Variants in ZNF251 observed in about 807,000 individuals in gnomAD.
ZNF251 encodes zinc finger protein 251.
A neutral mutation model predicts 13.5 loss-of-function variants in ZNF251; 14 were observed. That is an observed-to-expected ratio of 1.04 (90% CI 0.69 to 1.63). The LOEUF (loss-of-function observed/expected upper bound fraction) is 1.63, where lower values mean the gene tolerates loss of function less well. ZNF251 is among the 40% of genes most tolerant of loss of function. The pLI, the probability that ZNF251 is intolerant of heterozygous loss-of-function variation, is 0.00. For missense variants in ZNF251, 764 were observed against 834.9 expected, an observed-to-expected ratio of 0.92 and a Z score of 1.05; for synonymous variants, 287 against 295.2, an observed-to-expected ratio of 0.97 and a Z score of 0.28.
At chr8:144,743,543 T>C (rs1226866432) in intron 4 of ZNF251, among the ~76,000 whole-genome samples, 1 of 152,258 alleles carries the variant, frequency 6.6e-6, no homozygotes, top group African/African-American at 2.4e-5. Flanking sequence ...CAGGATTTTG[T>C]GTGGACATAA....
chr8:144,739,851 C>T (rs532139031), intron 4 of ZNF251, among the ~76,000 whole-genome samples: 1 of 151,280 alleles, frequency 6.6e-6, no homozygotes, highest in Non-Finnish European at 1.5e-5. Context: ...GCCAAGATGG[C>T]ACCACTGCAC....
chr8:144,741,868 A>G (rs1824179627), intron 4 of ZNF251, among the ~76,000 whole-genome samples: 1 of 152,230 alleles, frequency 6.6e-6, no homozygotes, highest in Admixed American at 6.5e-5. Flanking sequence ...GATAATTCAA[A>G]TGGTCACTTA....
At chr8:144,742,470 AC>A (rs1295105573) in intron 4 of ZNF251, among the ~76,000 whole-genome samples, 3 of 148,156 alleles carry the variant, frequency 2.0e-5, no homozygotes, top group Non-Finnish European at 3.0e-5. Flanking sequence ...TGCATACCCC[AC>A]CCCCCACACA....
rs563074922 is a variant in ZNF251 at position 144,725,439 on chromosome 8, C to T, written c.278-2057G>A. 3.9e-5 allele frequency among the ~76,000 whole-genome samples: 6 copies of T among 152,196 alleles called. No homozygotes were observed. In the South Asian group the frequency reaches 1.2e-3, roughly 32 times the overall value. On this transcript the variant is annotated intron_variant, in intron 4 of 4. Transcript: ENST00000292562. ...CCGAGTAGCTGGGACTACAGGTGTG[C>T]ACCACCTGTAGTCTGGCTAATTCCT... is the stretch of plus-strand genomic sequence containing the variant.
chr8:144,746,228 G>A (rs964309400), intron 4 of ZNF251, among the ~76,000 whole-genome samples: 1 of 152,150 alleles, frequency 6.6e-6, no homozygotes, highest in Non-Finnish European at 1.5e-5. Flanking sequence ...TGCTTTCTCC[G>A]CATCTACTGA....
At chr8:144,753,877 G>A in intron 3 of ZNF251, 81 bp from the exon 4 acceptor site, 3 of 1,092,132 alleles carry the variant, frequency 2.7e-6, no homozygotes, top group Non-Finnish European at 4.0e-6. Context: ...GGCCCTGTGT[G>A]CACGTGTGTA....
chr8:144,737,659 C>T (rs539355576), intron 4 of ZNF251, among the ~76,000 whole-genome samples: 13 of 151,278 alleles, frequency 8.6e-5, no homozygotes, highest in South Asian at 2.1e-4. Context: ...GGTGAAACCC[C>T]GTCTCTACTA....
At chr8:144,724,466 G>A (rs1304102973) in intron 4 of ZNF251, among the ~76,000 whole-genome samples, 1 of 151,830 alleles carries the variant, frequency 6.6e-6, no homozygotes, top group East Asian at 2.0e-4. Flanking sequence ...AAGTAGCTGG[G>A]ACTACAGGTG....
intron 4 of ZNF251, among the ~76,000 whole-genome samples, chr8:144,752,479 T>G (rs552077838): frequency 5.8e-4 from 88 of 152,330 alleles, no homozygotes; most frequent in African/African-American, 2.0e-3. Flanking sequence ...CTAGATAACA[T>G]TTTGAACTAA....
chr8:144,738,546 G>C (rs139934426), intron 4 of ZNF251: 12,011 of 984,842 alleles, frequency 0.012, 88 homozygotes, highest in Non-Finnish European at 0.013. Context: ...ACTCATCCCC[G>C]GCCCCTTCCT....
In ZNF251 at chr8:144,722,429, C is replaced by T. The variant is rs376486971; in HGVS notation, c.1231G>A (p.Gly411Ser). ...GEKPYVCNEC[G>S]RAFGFNSHLT... ...TGAGAGTTAAAACCAAAGGCTCTGC[C>T]GCATTCATTACATACATAGGGTTTC... is the stretch of plus-strand genomic sequence containing the variant. Residue 411 changes from glycine (G) to serine (S), a missense_variant, in exon 5 of 5, where the codon GGC (glycine) becomes AGC (serine). By Grantham distance (56) the Gly-to-Ser change is moderately conservative. Coordinates refer to ENST00000292562, the MANE Select transcript of ZNF251 (RefSeq NM_138367.2). This position sits in a 1 kb window ranked among gnomAD's most constrained non-coding sequence, Gnocchi z 4.8. 28 of 1,613,934 alleles carry T rather than the reference C, an allele frequency of 1.7e-5. No homozygotes were observed. The South Asian group carries it at 1.8e-4, about 10-fold the overall frequency.
At position 144,722,018 on chromosome 8, in the gene ZNF251, T is replaced by A. The variant is rs764259117; in HGVS notation, c.1642A>T (p.Asn548Tyr). 6.2e-6 allele frequency: 10 copies of A among 1,604,386 alleles called. No homozygotes were observed. The highest frequency in any genetic ancestry group is 8.5e-6 in the Non-Finnish European group (10 of 1,175,178). The change falls in exon 5 of 5, where the codon AAC becomes TAC. Residue 548 changes from asparagine to tyrosine, a missense_variant. Asn to Tyr is a moderately radical substitution (Grantham distance 143). Transcript: ENST00000292562. This position sits in a 1 kb window ranked among gnomAD's most constrained non-coding sequence, Gnocchi z 4.8. Reference protein sequence around the residue: ...PTGEKHGRAFNHGANLILRWT... With the variant: ...PTGEKHGRAFYHGANLILRWT... ...CGCAGAATGAGATTTGCACCATGGT[T>A]AAAGGCTCTGCCGTGCTTCTCTCCA...
At chr8:144,739,240 C>G (rs111289377) in intron 4 of ZNF251, among the ~76,000 whole-genome samples, 4,146 of 147,836 alleles carry the variant, frequency 0.028, 188 homozygotes, top group African/African-American at 0.099. Context: ...CCCCACCCCC[C>G]CAAAACTAGG....
At chr8:144,747,263 T>G (rs1300476921) in intron 4 of ZNF251, among the ~76,000 whole-genome samples, 1 of 152,256 alleles carries the variant, frequency 6.6e-6, no homozygotes, top group East Asian at 1.9e-4. Flanking sequence ...TTTAGGATTT[T>G]CTAGCTATCT....
At position 144,723,284 on chromosome 8, in the gene ZNF251, C is replaced by A. The variant is rs1823424556; in HGVS notation, c.376G>T (p.Asp126Tyr). ...PEFVSRRLLR[D>Y]NAQAAEFREA... is the part of the protein sequence containing the mutation. ...CGAAACTCAGCGGCCTGTGCATTAT[C>A]CCTTAAGAGTCTTCTTGATACAAAT... Residue 126 changes from aspartate to tyrosine, a missense_variant, in exon 5 of 5, where the codon GAT becomes TAT. By Grantham distance (160) the Asp-to-Tyr change is radical. Coordinates refer to ENST00000292562, the MANE Select transcript of ZNF251 (RefSeq NM_138367.2). The A allele has an allele frequency of 6.3e-7, 1 of 1,589,320 alleles. No homozygotes were observed. The highest frequency in any genetic ancestry group is 1.4e-5 in the African/African-American group (1 of 73,536).
rs1401230893 is a variant in ZNF251 at position 144,721,390 on chromosome 8, C to T, written c.*254G>A. The T allele has an allele frequency of 1.9e-5, 8 of 410,304 alleles. No individual in the cohort carries two copies. The highest frequency in any genetic ancestry group is 2.9e-5 in the Non-Finnish European group (7 of 237,742). The allele number at this position is 410,304 out of a possible 1,614,324, so 25.4% of individuals were successfully genotyped here. ...TCACTTTTCACGCCCTCCATCCATT[C>T]GTCATGAGTATCCGGATACAGCACC... On this transcript the variant is annotated 3_prime_UTR_variant, in exon 5 of 5. Transcript: ENST00000292562.
intron 4 of ZNF251, among the ~76,000 whole-genome samples, chr8:144,746,893 TTTA>T (rs1029968696): frequency 2.0e-5 from 3 of 152,174 alleles, no homozygotes; most frequent in African/African-American, 7.2e-5. Flanking sequence ...GTTTACTGAT[TTTA>T]TTGTTTTTTC....
At position 144,730,001 on chromosome 8, in the gene ZNF251, T is replaced by C; in HGVS notation, c.278-6619A>G. The C allele has an allele frequency of 5.1e-6, 5 of 980,430 alleles. No individual in the cohort carries two copies. In the South Asian group the frequency reaches 1.9e-4, roughly 37 times the overall value. The allele number at this position is 980,430 out of a possible 1,614,324, so 60.7% of individuals were successfully genotyped here. On this transcript the variant is annotated intron_variant, in intron 4 of 4. Transcript: ENST00000292562. ...GGGCTGAGCCCACCCAGGGCTGGCG[T>C]TGTTCCCAGGAGCGGGTGCCCTCAC...
At chr8:144,727,154 T>A (rs1158673907) in intron 4 of ZNF251, among the ~76,000 whole-genome samples, 2 of 152,246 alleles carry the variant, frequency 1.3e-5, no homozygotes, top group African/African-American at 2.4e-5. Context: ...TCAGTGATTA[T>A]CCCTGGGGCA....
Sources: gnomAD v4.1 joint callset for allele counts (sites outside exome capture counted in the v4.1 genomes callset) on GRCh38, gnomAD v4.1.1 for gene constraint, Gnocchi (gnomAD v3.1) non-coding constraint, MANE v1.5 for transcripts, NCBI Gene and HGNC (gene_info 2026-07-23, HGNC 2026-07-21) for gene names.